The following NUBPL variants were observed in gnomAD, a reference collection of about 807,000 sequenced individuals.
The protein encoded by NUBPL is NUBP iron-sulfur cluster assembly factor, mitochondrial.
Under a neutral mutation model 45.7 loss-of-function variants are expected in NUBPL, and 31 were observed. That is an observed-to-expected ratio of 0.68 (90% CI 0.51 to 0.92). NUBPL has a LOEUF of 0.92. Among genes scored for constraint, NUBPL ranks in the 40% least tolerant of loss-of-function variants. The pLI is 0.00. For missense variants in NUBPL, 401 were observed against 398.7 expected, an observed-to-expected ratio of 1.01 and a Z score of -0.05; for synonymous variants, 144 against 140.9, an observed-to-expected ratio of 1.02 and a Z score of -0.15.
At chr14:31,779,300 T>C (rs1039194774) in intron 6 of NUBPL, among the ~76,000 whole-genome samples, 2 of 151,478 alleles carry the variant, frequency 1.3e-5, no homozygotes, top group Admixed American at 6.6e-5. Flanking sequence ...ATGGCGCCAT[T>C]GCACTCCAGC....
intron 6 of NUBPL, among the ~76,000 whole-genome samples, chr14:31,715,739 T>G (rs2037673296): frequency 6.6e-6 from 1 of 152,158 alleles, no homozygotes; most frequent in Admixed American, 6.5e-5. Flanking sequence ...TGTGATTGCC[T>G]AGAACATTGC....
intron 6 of NUBPL, among the ~76,000 whole-genome samples, chr14:31,713,807 T>A (rs1415437437): frequency 6.6e-6 from 1 of 152,254 alleles, no homozygotes; most frequent in Admixed American, 6.5e-5. Flanking sequence ...TTTTAATGCA[T>A]GATTCCATTT....
At chr14:31,826,480 T>C in intron 7 of NUBPL, 149 bp from the exon 8 acceptor site, 1 of 739,136 alleles carries the variant, frequency 1.4e-6, no homozygotes, top group East Asian at 2.7e-5. Context: ...GACATTTTCT[T>C]GTCTTTCTCA....
intron 6 of NUBPL, among the ~76,000 whole-genome samples, chr14:31,781,995 C>A (rs1322291202): frequency 1.3e-5 from 2 of 152,164 alleles, no homozygotes; most frequent in Non-Finnish European, 2.9e-5. Flanking sequence ...TGTTTCCTTT[C>A]TAAATCCATA....
chr14:31,642,801 C>G (rs2035742319), intron 4 of NUBPL, among the ~76,000 whole-genome samples: 1 of 151,862 alleles, frequency 6.6e-6, no homozygotes, highest in Non-Finnish European at 1.5e-5. Flanking sequence ...GAATATCTTC[C>G]CTTTGTAAAA....
chr14:31,723,083 A>G (rs192943031), intron 6 of NUBPL, among the ~76,000 whole-genome samples: 37 of 152,218 alleles, frequency 2.4e-4, no homozygotes, highest in Admixed American at 2.0e-3. Flanking sequence ...TTGATATTGC[A>G]TTTAATTCTT....
intron 7 of NUBPL, among the ~76,000 whole-genome samples, chr14:31,805,923 T>C (rs1383974975): frequency 6.8e-6 from 1 of 146,998 alleles, no homozygotes; most frequent in African/African-American, 2.6e-5. Context: ...TTAAAAAATT[T>C]TGGGGGGCAT....
intron 6 of NUBPL, among the ~76,000 whole-genome samples, chr14:31,744,146 G>A (rs8016912): frequency 0.55 from 83,498 of 152,058 alleles, 25,189 homozygotes; most frequent in African/African-American, 0.82. Context: ...GGGAAAAAAT[G>A]TGATCTCTTG....
At chr14:31,627,131 A>G (rs887847765) in intron 4 of NUBPL, among the ~76,000 whole-genome samples, 1 of 152,182 alleles carries the variant, frequency 6.6e-6, no homozygotes, top group African/African-American at 2.4e-5. Context: ...TATTGTTTTC[A>G]TTAGTATTTT....
At chr14:31,746,360 A>T (rs2038400238) in intron 6 of NUBPL, among the ~76,000 whole-genome samples, 1 of 151,932 alleles carries the variant, frequency 6.6e-6, no homozygotes, top group African/African-American at 2.4e-5. Flanking sequence ...TTAGATACAT[A>T]CTTTCTGTAC....
intron 6 of NUBPL, among the ~76,000 whole-genome samples, chr14:31,756,608 A>G (rs572245384): frequency 1.1e-3 from 169 of 148,932 alleles, no homozygotes; most frequent in Non-Finnish European, 1.9e-3. Context: ...GGGCTGAGAC[A>G]ATGGGGTTTT....
intron 8 of NUBPL, among the ~76,000 whole-genome samples, chr14:31,834,592 C>A (rs2040251507): frequency 6.6e-6 from 1 of 152,298 alleles, no homozygotes; most frequent in East Asian, 1.9e-4. Context: ...TGCATCTCAG[C>A]CATAATTATT....
At chr14:31,847,321 T>C (rs1338934077) in intron 9 of NUBPL, among the ~76,000 whole-genome samples, 4 of 152,246 alleles carry the variant, frequency 2.6e-5, no homozygotes, top group Non-Finnish European at 5.9e-5. Flanking sequence ...AATGCCTTCC[T>C]GATTAATTCT....
At chr14:31,738,884 G>A (rs968812170) in intron 6 of NUBPL, among the ~76,000 whole-genome samples, 1 of 152,062 alleles carries the variant, frequency 6.6e-6, no homozygotes, top group Non-Finnish European at 1.5e-5. Context: ...TAGGGGAAAA[G>A]TCTGTTATAT....
Position 31,604,792 on chromosome 14 carries a change from A to T in NUBPL, c.382+5413A>T, listed in dbSNP as rs537973132. Among the ~76,000 whole-genome samples the T allele has an allele frequency of 3.9e-5, 6 of 152,308 alleles. No homozygotes were observed. In the South Asian group the frequency reaches 1.2e-3, roughly 32 times the overall value. Reference sequence around the variant, plus strand: ...ATTACCAAGAGAAAGTTTCTGTTCGATTTTAAAAAAGTGAATTCAGTAATT... The same window carrying T: ...ATTACCAAGAGAAAGTTTCTGTTCGTTTTTAAAAAAGTGAATTCAGTAATT... On this transcript the variant is annotated intron_variant, in intron 4 of 10. Coordinates refer to ENST00000281081, the MANE Select transcript of NUBPL (RefSeq NM_025152.3).
At chr14:31,716,953 C>A (rs1237020525) in intron 6 of NUBPL, among the ~76,000 whole-genome samples, 3 of 152,312 alleles carry the variant, frequency 2.0e-5, no homozygotes, top group South Asian at 4.1e-4. Context: ...ACAATGTCCA[C>A]CCTTTTCTGT....
intron 4 of NUBPL, among the ~76,000 whole-genome samples, chr14:31,663,598 A>AT (rs2036327961): frequency 1.3e-5 from 2 of 152,166 alleles, no homozygotes; most frequent in South Asian, 4.2e-4. Context: ...ATTGGTCCAT[A>AT]TATCTGTTTT....
chr14:31,566,251 T>C (rs748833842), intron 3 of NUBPL, among the ~76,000 whole-genome samples: 3 of 152,180 alleles, frequency 2.0e-5, no homozygotes, highest in Non-Finnish European at 2.9e-5. Flanking sequence ...GACATAGATA[T>C]TCATGTCTTC....
intron 10 of NUBPL, among the ~76,000 whole-genome samples, chr14:31,858,864 G>C (rs1222221411): frequency 6.6e-6 from 1 of 152,108 alleles, no homozygotes; most frequent in Non-Finnish European, 1.5e-5. Flanking sequence ...ATTAGAATTT[G>C]AAAAACAGTA....
Sources: allele counts gnomAD v4.1 joint callset (sites outside exome capture counted in the v4.1 genomes callset), GRCh38; gene constraint gnomAD v4.1.1; transcripts MANE v1.5; gene names NCBI Gene and HGNC (gene_info 2026-07-23, HGNC 2026-07-21).